MPP7: variants seen among roughly 807,000 people sequenced by gnomAD.
The protein encoded by MPP7 is MAGUK p55 scaffold protein 7.
MPP7 carries 60 observed loss-of-function variants against 76.5 expected under a neutral mutation model. The observed-to-expected ratio is 0.78, with a 90% CI of 0.64 to 0.97. MPP7 has a LOEUF of 0.97. Among genes scored for constraint, MPP7 ranks in the 50% least tolerant of loss-of-function variants. MPP7 has a pLI of 0.00. For missense variants in MPP7, 641 were observed against 694.0 expected (o/e 0.92, Z 0.86); for synonymous variants, 237 against 244.5 (o/e 0.97, Z 0.29).
chr10:28,304,413 A>G (rs142339094), upstream of MPP7, among the ~76,000 whole-genome samples: 8 of 152,364 alleles, frequency 5.3e-5, no homozygotes, highest in African/African-American at 1.9e-4. Context: ...AACCTGAGGA[A>G]GGAAAGGAAT....
chr10:28,285,686 G>A (rs1271828660), intron 1 of MPP7, among the ~76,000 whole-genome samples: 2 of 152,220 alleles, frequency 1.3e-5, no homozygotes, highest in Admixed American at 1.3e-4. Context: ...TTACCTGACT[G>A]GGGTGAGAAG....
chr10:28,093,297 A>G (rs1319247345), intron 11 of MPP7, among the ~76,000 whole-genome samples: 1 of 152,176 alleles, frequency 6.6e-6, no homozygotes, highest in Non-Finnish European at 1.5e-5. Flanking sequence ...AATGGATATA[A>G]CAAGAACATA....
chr10:28,331,088 C>A (rs139256415), intron 1 of MPP7, among the ~76,000 whole-genome samples: 1 of 152,314 alleles, frequency 6.6e-6, no homozygotes, highest in East Asian at 1.9e-4. Context: ...TAAATGAGGG[C>A]AGAGTCATAT....
chr10:28,253,367 G>A (rs1839678542), intron 1 of MPP7, among the ~76,000 whole-genome samples: 1 of 152,134 alleles, frequency 6.6e-6, no homozygotes, highest in Non-Finnish European at 1.5e-5. Flanking sequence ...TGCTGAGTAA[G>A]CTCAAGTAGT....
At chr10:28,105,949 C>T (rs1834310726) in intron 11 of MPP7, among the ~76,000 whole-genome samples, 1 of 152,192 alleles carries the variant, frequency 6.6e-6, no homozygotes, top group Admixed American at 6.5e-5. Flanking sequence ...TGTCCCAACA[C>T]AGTCTGCAGA....
At chr10:28,096,677 T>C (rs1853585583) in intron 11 of MPP7, among the ~76,000 whole-genome samples, 1 of 152,226 alleles carries the variant, frequency 6.6e-6, no homozygotes, top group Non-Finnish European at 1.5e-5. Context: ...TTCTATAACT[T>C]TTCCATCTTA....
intron 3 of MPP7, among the ~76,000 whole-genome samples, chr10:28,189,328 T>C (rs1837331315): frequency 6.6e-6 from 1 of 151,910 alleles, no homozygotes. Flanking sequence ...TTTGGGAGGC[T>C]AAGGCGGGAG....
intron 12 of MPP7, among the ~76,000 whole-genome samples, chr10:28,086,187 C>T (rs1853000596): frequency 6.6e-6 from 1 of 152,084 alleles, no homozygotes; most frequent in Non-Finnish European, 1.5e-5. Flanking sequence ...CTAATACATG[C>T]AGGGCTTAAA....
At chr10:28,260,260 T>C (rs773122375) in intron 1 of MPP7, among the ~76,000 whole-genome samples, 2 of 152,152 alleles carry the variant, frequency 1.3e-5, no homozygotes, top group Non-Finnish European at 2.9e-5. Flanking sequence ...CCAGTGGCAA[T>C]TCATCCATTC....
At position 28,326,303 on chromosome 10, in the gene MPP7, G is replaced by GACCGC. The variant is rs1834414462; in HGVS notation, c.-132+3621_-132+3625dup. ...ATCAATCAGTGTGGCAGAATAAAAA[G>GACCGC]ACCGCTGTTCATCTTGCAGAGAAGG... is the stretch of plus-strand genomic sequence containing the variant. On this transcript the variant is annotated intron_variant, in intron 2 of 11. Coordinates refer to the MPP7 transcript ENST00000441595. Among the ~76,000 whole-genome samples, 3 of 152,262 alleles carry GACCGC rather than the reference G, an allele frequency of 2.0e-5. No individual in the cohort carries two copies. The South Asian group carries it at 6.2e-4, about 32-fold the overall frequency.
intron 2 of MPP7, among the ~76,000 whole-genome samples, chr10:28,202,541 G>A (rs756872534): frequency 2.6e-5 from 4 of 152,156 alleles, no homozygotes; most frequent in South Asian, 2.1e-4. Context: ...GACAGAAAAT[G>A]TGTACAGGTT....
At chr10:28,250,977 T>G (rs1839595372) in intron 1 of MPP7, among the ~76,000 whole-genome samples, 1 of 152,242 alleles carries the variant, frequency 6.6e-6, no homozygotes, top group African/African-American at 2.4e-5. Context: ...GAGGGTGCCA[T>G]GATTTAATTT....
At chr10:28,068,861 CAT>C (rs996200453) in intron 13 of MPP7, among the ~76,000 whole-genome samples, 1 of 152,178 alleles carries the variant, frequency 6.6e-6, no homozygotes, top group African/African-American at 2.4e-5. Context: ...AATTTGATGT[CAT>C]ATGTGTACTA....
chr10:28,230,813 C>G (rs1838856586), intron 2 of MPP7, among the ~76,000 whole-genome samples: 1 of 152,070 alleles, frequency 6.6e-6, no homozygotes, highest in Admixed American at 6.6e-5. Context: ...GAGAATCCAT[C>G]TCAAATAAAT....
intron 1 of MPP7, among the ~76,000 whole-genome samples, chr10:28,274,878 CA>C (rs1384678894): frequency 2.0e-5 from 3 of 152,122 alleles, no homozygotes; most frequent in Non-Finnish European, 4.4e-5. Context: ...ACTTTCTAGT[CA>C]CATTTAATTT....
intron 1 of MPP7, among the ~76,000 whole-genome samples, chr10:28,249,724 C>T (rs1038257693): frequency 4.6e-5 from 7 of 152,138 alleles, no homozygotes; most frequent in African/African-American, 7.2e-5. Context: ...CACACTTGTG[C>T]TGGCTGCGTG....
intron 2 of MPP7, among the ~76,000 whole-genome samples, chr10:28,210,603 T>C (rs1838100142): frequency 1.3e-5 from 2 of 152,190 alleles, no homozygotes; most frequent in African/African-American, 2.4e-5. Flanking sequence ...TTTTAGGGGC[T>C]AAGAAAGGCG....
intron 1 of MPP7, among the ~76,000 whole-genome samples, chr10:28,283,664 G>A (rs1173116376): frequency 2.6e-5 from 4 of 151,812 alleles, no homozygotes; most frequent in African/African-American, 7.3e-5. Context: ...ACAGGCGCCC[G>A]CCACCACGCC....
chr10:28,208,073 A>T (rs1838005982), intron 2 of MPP7, among the ~76,000 whole-genome samples: 1 of 152,154 alleles, frequency 6.6e-6, no homozygotes, highest in Non-Finnish European at 1.5e-5. Flanking sequence ...CCTAGGACTG[A>T]AGGAGATTTT....
Sources: gnomAD v4.1 joint callset for allele counts (sites outside exome capture counted in the v4.1 genomes callset) on GRCh38, gnomAD v4.1.1 for gene constraint, MANE v1.5 for transcripts, NCBI Gene and HGNC (gene_info 2026-07-23, HGNC 2026-07-21) for gene names.